The following LEPR variants were observed in gnomAD, a reference collection of about 807,000 sequenced individuals.
LEPR encodes OB receptor.
LEPR carries 56 observed loss-of-function variants against 114.7 expected under a neutral mutation model. That is an observed-to-expected ratio of 0.49 (90% CI 0.39 to 0.61). The LOEUF (loss-of-function observed/expected upper bound fraction) is 0.61. LEPR is among the 20% of genes least tolerant of loss of function. The pLI is 0.00. For synonymous variants in LEPR, 443 were observed against 461.4 expected (o/e 0.96, Z 0.51); for missense variants, 1,202 against 1,352.9 (o/e 0.89, Z 1.75).
chr1:65,598,550 C>T, intron 7 of LEPR, 110 bp from the exon 8 acceptor site: 1 of 1,476,808 alleles, frequency 6.8e-7, no homozygotes, highest in Non-Finnish European at 9.2e-7. Flanking sequence ...CAGATAACTA[C>T]TGTGTAAGAT....
intron 14 of LEPR, among the ~76,000 whole-genome samples, chr1:65,612,051 G>T (rs545950523): frequency 6.6e-6 from 1 of 152,046 alleles, no homozygotes; most frequent in African/African-American, 2.4e-5. Flanking sequence ...GTGCTGTTTT[G>T]TTGTGTTTTC....
At chr1:65,509,366 C>T (rs1022077046) in intron 2 of LEPR, among the ~76,000 whole-genome samples, 3 of 152,086 alleles carry the variant, frequency 2.0e-5, no homozygotes, top group African/African-American at 7.2e-5. Flanking sequence ...ATTCTTTCTA[C>T]TCTGAATTTG....
chr1:65,633,562 A>T lies in LEPR; in HGVS notation c.2674-2629A>T. 1 of 1,005,246 alleles carries T rather than the reference A, an allele frequency of 9.9e-7. No homozygotes were observed. The highest frequency in any genetic ancestry group is 1.2e-6 in the Non-Finnish European group (1 of 842,218). 62.3% of individuals were successfully genotyped at this position (1,005,246 alleles called of 1,614,324 possible). The stretch of plus-strand genomic sequence containing the variant: ...ACAATGCTGTAATTAGGTGAACTCT[A>T]AAACTGCAACATCTGACAAATAGCT... On this transcript the variant is annotated intron_variant, in intron 19 of 19. Transcript: ENST00000349533. This position sits in a 1 kb window ranked among gnomAD's most constrained non-coding sequence, Gnocchi z 4.1.
At chr1:65,431,418 C>T (rs1412221876) in intron 2 of LEPR, among the ~76,000 whole-genome samples, 1 of 152,186 alleles carries the variant, frequency 6.6e-6, no homozygotes, top group African/African-American at 2.4e-5. Context: ...AGAAAAGAAA[C>T]ACACAAATTT....
rs772102017 is a variant in LEPR, at chr1:65,636,537, G to A, written c.3020G>A (p.Ser1007Asn). 12 of 1,613,950 alleles carry A rather than the reference G, an allele frequency of 7.4e-6. 1 individual carries two copies. In the Admixed American group the frequency reaches 8.3e-5, roughly 11 times the overall value. The change falls in exon 20 of 20, where the codon AGT becomes AAT. Residue 1007 changes from serine (S) to asparagine (N), a missense_variant. Physicochemically the swap from Ser to Asn is conservative, Grantham distance 46. Coordinates refer to ENST00000349533, the MANE Select transcript of LEPR (RefSeq NM_002303.6). ...ETGEEQGLINSSVTKCFSSKN... is the reference protein window; with the variant it reads ...ETGEEQGLINNSVTKCFSSKN... Reference sequence around the variant, plus strand: ...GGTGAAGAACAAGGGCTTATAAATAGTTCAGTCACCAAGTGCTTCTCTAGC... The same window carrying A: ...GGTGAAGAACAAGGGCTTATAAATAATTCAGTCACCAAGTGCTTCTCTAGC...
intron 2 of LEPR, chr1:65,525,662 C>T (rs1649896103): frequency 2.0e-6 from 2 of 985,678 alleles, no homozygotes; most frequent in African/African-American, 1.7e-5. Flanking sequence ...CTCGGCTGCC[C>T]TCCTCCTCTC....
intron 2 of LEPR, among the ~76,000 whole-genome samples, chr1:65,496,714 A>T (rs555820247): frequency 6.6e-6 from 1 of 152,294 alleles, no homozygotes; most frequent in South Asian, 2.1e-4. Flanking sequence ...TTTCTATCAC[A>T]TTCCTGACAA....
rs151311494 is a variant in LEPR at position 65,492,012 on chromosome 1, A to C, written c.-21+66634A>C. 7.1e-3 allele frequency among the ~76,000 whole-genome samples: 1,084 copies of C among 152,230 alleles called. 14 individuals carry two copies. The highest frequency in any genetic ancestry group is 6.9e-3 in the Non-Finnish European group (466 of 67,982). On this transcript the variant is annotated intron_variant, in intron 2 of 19. Transcript: ENST00000349533. ...AATACTGTTTCTACCCATTCCAAAA[A>C]GTATAGCTAGATAATTTGTAAATTC... is the stretch of plus-strand genomic sequence containing the variant.
intron 2 of LEPR, among the ~76,000 whole-genome samples, chr1:65,522,317 C>T (rs1472075644): frequency 2.0e-4 from 31 of 152,130 alleles, no homozygotes; most frequent in Admixed American, 2.0e-3. Flanking sequence ...CCTCATATCC[C>T]CCATTTTCCA....
chr1:65,605,296 C>G (rs1656739085), intron 11 of LEPR, 59 bp downstream of exon 11: 12 of 1,593,260 alleles, frequency 7.5e-6, no homozygotes, highest in Non-Finnish European at 1.0e-5. Flanking sequence ...CAGATTGATG[C>G]AGATTTAATG....
chr1:65,460,472 G>A (rs572085140), intron 2 of LEPR, among the ~76,000 whole-genome samples: 1 of 152,120 alleles, frequency 6.6e-6, no homozygotes, highest in African/African-American at 2.4e-5. Context: ...GCTCTCTACT[G>A]TGTGTGCATA....
chr1:65,557,465 G>T (rs1242162586), intron 2 of LEPR, among the ~76,000 whole-genome samples: 3 of 151,990 alleles, frequency 2.0e-5, no homozygotes, highest in East Asian at 1.9e-4. Flanking sequence ...TGTCATCCAG[G>T]CTGGAGTGCA....
intron 5 of LEPR, chr1:65,576,271 C>G (rs1654574893): frequency 6.5e-6 from 1 of 154,324 alleles, no homozygotes; most frequent in Non-Finnish European, 1.4e-5. Context: ...AGGTCCATGT[C>G]TGCCTGACCC....
chr1:65,435,921 C>T, intron 2 of LEPR: 1 of 985,076 alleles, frequency 1.0e-6, no homozygotes. Flanking sequence ...AGCCATGCTA[C>T]CAGCGTACAA....
intron 19 of LEPR, chr1:65,634,900 A>C (rs1040969226): frequency 5.7e-5 from 47 of 829,094 alleles, no homozygotes; most frequent in Non-Finnish European, 6.7e-5. Flanking sequence ...AGGCATAGGA[A>C]CAGTTTTCTC....
At chr1:65,530,877 C>T (rs774770576) in intron 2 of LEPR, among the ~76,000 whole-genome samples, 43 of 152,116 alleles carry the variant, frequency 2.8e-4, no homozygotes, top group Non-Finnish European at 5.3e-4. Context: ...CAGCTCCCAC[C>T]CTAGTACAAG....
In LEPR at chr1:65,598,746, A is replaced by T. The variant is rs753716387; in HGVS notation, c.936A>T (p.Arg312Ser). 3 of 1,613,362 alleles carry T rather than the reference A, an allele frequency of 1.9e-6. 1 individual carries two copies. In the South Asian group the frequency reaches 3.3e-5, roughly 18 times the overall value. ...SSYEVQVRGK[R>S]LDGPGIWSDW... The stretch of plus-strand genomic sequence containing the variant: ...ATGAGGTTCAGGTGAGGGGCAAGAG[A>T]CTGGATGGCCCAGGAATCTGGAGTG... Residue 312 changes from arginine (R) to serine (S), a missense_variant, in exon 8 of 20, where the codon AGA (arginine) becomes AGT (serine). Physicochemically the swap from Arg to Ser is moderately radical, Grantham distance 110. Transcript: ENST00000349533.
At chr1:65,600,849 T>C (rs1371222749) in intron 8 of LEPR, among the ~76,000 whole-genome samples, 1 of 152,072 alleles carries the variant, frequency 6.6e-6, no homozygotes, top group Admixed American at 6.6e-5. Flanking sequence ...GCTTTGTATA[T>C]TGCTGCATTA....
At chr1:65,540,860 C>G (rs931625779) in intron 2 of LEPR, among the ~76,000 whole-genome samples, 17 of 152,120 alleles carry the variant, frequency 1.1e-4, no homozygotes, top group Non-Finnish European at 1.9e-4. Flanking sequence ...GAGACAGCAT[C>G]TCACTCTGTC....
Sources: gnomAD v4.1 joint callset for allele counts (sites outside exome capture counted in the v4.1 genomes callset) on GRCh38, gnomAD v4.1.1 for gene constraint, Gnocchi (gnomAD v3.1) non-coding constraint, MANE v1.5 for transcripts, NCBI Gene and HGNC (gene_info 2026-07-23, HGNC 2026-07-21) for gene names.